The following NPAS3 variants were observed in gnomAD, a reference collection of about 807,000 sequenced individuals.
NPAS3 encodes neuronal PAS domain-containing protein 3.
Under a neutral mutation model 73.1 loss-of-function variants are expected in NPAS3, and 14 were observed. The observed-to-expected ratio is 0.19, with a 90% CI of 0.13 to 0.30. The LOEUF is 0.30. Among genes scored for constraint, NPAS3 ranks in the 10% least tolerant of loss-of-function variants. The pLI, the probability that NPAS3 is intolerant of heterozygous loss-of-function variation, is 1.00. For missense variants in NPAS3, 1,096 were observed against 1,250.0 expected (o/e 0.88, Z 1.86); for synonymous variants, 620 against 541.5 (o/e 1.14, Z -2.01).
chr14:33,352,043 T>TA (rs11355090), intron 3 of NPAS3, among the ~76,000 whole-genome samples: 18 of 149,340 alleles, frequency 1.2e-4, no homozygotes, highest in African/African-American at 2.5e-4. Flanking sequence ...CTTAACGTGT[T>TA]AAAAAAAAAA....
chr14:33,617,279 C>A (rs2057948243), intron 5 of NPAS3, among the ~76,000 whole-genome samples: 1 of 152,190 alleles, frequency 6.6e-6, no homozygotes, highest in African/African-American at 2.4e-5. Context: ...TTAATGTATT[C>A]CATTTACTGA....
intron 3 of NPAS3, among the ~76,000 whole-genome samples, chr14:33,285,517 G>A (rs1412410894): frequency 1.3e-5 from 2 of 152,172 alleles, no homozygotes; most frequent in African/African-American, 4.8e-5. Flanking sequence ...GAGGCCCAGG[G>A]ATGCTGTTAC....
intron 2 of NPAS3, among the ~76,000 whole-genome samples, chr14:33,107,994 T>C (rs911186866): frequency 8.5e-5 from 13 of 152,160 alleles, no homozygotes; most frequent in African/African-American, 2.9e-4. Flanking sequence ...TTACCTGCAA[T>C]GAAAGAGGAC....
At chr14:33,680,502 T>C (rs1376841969) in intron 6 of NPAS3, 3 of 673,780 alleles carry the variant, frequency 4.5e-6, no homozygotes, top group Non-Finnish European at 8.0e-6. Context: ...GTGGGGTTTT[T>C]TGTATTTCTT....
At chr14:33,654,258 T>A (rs2059081979) in intron 5 of NPAS3, among the ~76,000 whole-genome samples, 1 of 152,158 alleles carries the variant, frequency 6.6e-6, no homozygotes, top group African/African-American at 2.4e-5. Context: ...TACATAAGTG[T>A]TGAAATCTAA....
chr14:33,625,072 T>G (rs1048017712), intron 5 of NPAS3, among the ~76,000 whole-genome samples: 8 of 152,206 alleles, frequency 5.3e-5, no homozygotes, highest in African/African-American at 1.9e-4. Flanking sequence ...ACCTTTTATT[T>G]AATTAGAAAC....
intron 5 of NPAS3, among the ~76,000 whole-genome samples, chr14:33,664,379 TA>T (rs1293588415): frequency 6.6e-6 from 1 of 152,130 alleles, no homozygotes; most frequent in Non-Finnish European, 1.5e-5. Context: ...CGAGATGGAT[TA>T]AAGACTTAAA....
At chr14:33,624,045 A>G (rs1228477474) in intron 5 of NPAS3, among the ~76,000 whole-genome samples, 2 of 152,216 alleles carry the variant, frequency 1.3e-5, no homozygotes, top group Non-Finnish European at 2.9e-5. Flanking sequence ...AGACTACCAC[A>G]TTTAAAATTG....
At chr14:33,629,556 G>GT (rs990084323) in intron 5 of NPAS3, among the ~76,000 whole-genome samples, 37 of 150,236 alleles carry the variant, frequency 2.5e-4, no homozygotes, top group East Asian at 1.6e-3. Context: ...CTCCTCAATG[G>GT]TTTTTTTTGT....
chr14:33,555,353 A>G (rs1302818435), intron 4 of NPAS3, among the ~76,000 whole-genome samples: 1 of 152,204 alleles, frequency 6.6e-6, no homozygotes, highest in African/African-American at 2.4e-5. Flanking sequence ...ACCTTAGTTA[A>G]TAATCAGAAA....
At chr14:32,943,255 G>A (rs1360724360) in intron 1 of NPAS3, among the ~76,000 whole-genome samples, 1 of 151,790 alleles carries the variant, frequency 6.6e-6, no homozygotes, top group African/African-American at 2.4e-5. Context: ...TCTTTATATA[G>A]TCTTAAAAAT....
rs540046395 is a variant in NPAS3, at chr14:33,138,852, A to G, written c.141-76330A>G. Among the ~76,000 whole-genome samples, 4 of 152,334 alleles carry G rather than the reference A, an allele frequency of 2.6e-5. No individual in the cohort carries two copies. The South Asian group carries it at 8.3e-4, about 32-fold the overall frequency. On this transcript the variant is annotated intron_variant, in intron 2 of 11. Coordinates refer to ENST00000356141, the Ensembl canonical transcript of NPAS3. ...ATGCAATGGAACCTGACTTCAAGGTACTTGGACAGTATTTTCTTAGAATAT... is the reference window on the plus strand; with the variant it reads ...ATGCAATGGAACCTGACTTCAAGGTGCTTGGACAGTATTTTCTTAGAATAT...
At chr14:33,520,676 A>G (rs531653189) in intron 4 of NPAS3, among the ~76,000 whole-genome samples, 1 of 152,110 alleles carries the variant, frequency 6.6e-6, no homozygotes, top group South Asian at 2.1e-4. Flanking sequence ...AAACAACACA[A>G]TTATTTCTTT....
At chr14:32,967,769 T>A (rs2037236784) in intron 1 of NPAS3, among the ~76,000 whole-genome samples, 1 of 111,012 alleles carries the variant, frequency 9.0e-6, no homozygotes, top group African/African-American at 3.0e-5. Context: ...GACAACAGCA[T>A]GTGGGGGGGG....
At chr14:32,949,722 A>T (rs938955876) in intron 1 of NPAS3, among the ~76,000 whole-genome samples, 6 of 151,850 alleles carry the variant, frequency 4.0e-5, no homozygotes, top group African/African-American at 1.4e-4. Flanking sequence ...AATGGAAACC[A>T]TTTTTTTCTG....
At chr14:33,757,390 C>G (rs1337672277) in intron 7 of NPAS3, among the ~76,000 whole-genome samples, 1 of 152,158 alleles carries the variant, frequency 6.6e-6, no homozygotes, top group African/African-American at 2.4e-5. Context: ...ATATGGGGAA[C>G]TGAGGCTCAT....
At chr14:33,604,537 C>A (rs1267695738) in intron 5 of NPAS3, among the ~76,000 whole-genome samples, 1 of 152,000 alleles carries the variant, frequency 6.6e-6, no homozygotes, top group East Asian at 1.9e-4. Context: ...TTCTGATACC[C>A]CTTTCTCATA....
intron 1 of NPAS3, among the ~76,000 whole-genome samples, chr14:32,941,191 CCCCCTCCCCT>C (rs1238837850): frequency 1.1e-5 from 1 of 94,164 alleles, no homozygotes; most frequent in African/African-American, 4.3e-5. Context: ...TGGTTTTCTT[CCCCCTCCCCT>C]CCCCTCCCCT....
chr14:32,980,969 A>G (rs561022324), intron 1 of NPAS3, among the ~76,000 whole-genome samples: 30 of 152,230 alleles, frequency 2.0e-4, no homozygotes, highest in Non-Finnish European at 1.6e-4. Context: ...ACACACACAC[A>G]TATATCTTTC....
Sources: allele counts gnomAD v4.1 joint callset (sites outside exome capture counted in the v4.1 genomes callset), GRCh38; gene constraint gnomAD v4.1.1; transcripts MANE v1.5; gene names NCBI Gene and HGNC (gene_info 2026-07-23, HGNC 2026-07-21).